The following SHISA9 variants were observed in gnomAD, a reference collection of about 807,000 sequenced individuals.
SHISA9 encodes protein shisa-9.
SHISA9 carries 13 observed loss-of-function variants against 38.0 expected under a neutral mutation model. The ratio of observed to expected loss-of-function variants is 0.34; its 90% CI spans 0.22 to 0.54. The LOEUF is 0.54. SHISA9 is among the 20% of genes least tolerant of loss of function. The probability of loss-of-function intolerance (pLI) is 0.91; values close to 1 mark genes in which losing one functional copy is unlikely to be tolerated. For missense variants in SHISA9, 538 were observed against 575.8 expected, an observed-to-expected ratio of 0.93 and a Z score of 0.67; for synonymous variants, 275 against 242.0, an observed-to-expected ratio of 1.14 and a Z score of -1.27.
chr16:13,024,779 T>C (rs1277444804), intron 2 of SHISA9, among the ~76,000 whole-genome samples: 2 of 152,174 alleles, frequency 1.3e-5, no homozygotes, highest in Non-Finnish European at 2.9e-5. Context: ...CAATGCCTGC[T>C]ACACAGTAGA....
chr16:13,478,134 A>G, the SHISA9 span, among the ~76,000 whole-genome samples: 5 of 152,154 alleles, frequency 3.3e-5, no homozygotes, highest in Non-Finnish European at 7.3e-5. Flanking sequence ...CTTTAACTGA[A>G]AAAGGAACCT....
intron 2 of SHISA9, among the ~76,000 whole-genome samples, chr16:13,189,324 T>C (rs555889756): frequency 1.3e-5 from 2 of 152,284 alleles, no homozygotes; most frequent in South Asian, 4.1e-4. Context: ...TAGAGGTGGC[T>C]CAATGCTGAA....
intron 2 of SHISA9, among the ~76,000 whole-genome samples, chr16:12,940,735 T>C (rs928967131): frequency 5.9e-5 from 9 of 152,210 alleles, no homozygotes; most frequent in African/African-American, 2.2e-4. Flanking sequence ...GTTTCCAACA[T>C]ATGCATTCAA....
At chr16:13,414,666 A>G in the SHISA9 span, among the ~76,000 whole-genome samples, 1 of 48,332 alleles carries the variant, frequency 2.1e-5, no homozygotes. Flanking sequence ...TTTTTTTCAG[A>G]CAGAGTGTTG....
At chr16:13,315,122 A>G in the SHISA9 span, among the ~76,000 whole-genome samples, 6 of 152,234 alleles carry the variant, frequency 3.9e-5, no homozygotes, top group East Asian at 9.7e-4. Context: ...CAAAGAGACC[A>G]TGGGCTTTGG....
At chr16:13,318,323 ATT>A in the SHISA9 span, among the ~76,000 whole-genome samples, 1 of 145,640 alleles carries the variant, frequency 6.9e-6, no homozygotes, top group Non-Finnish European at 1.5e-5. Flanking sequence ...AAATACCTCC[ATT>A]TTTTTTTTTC....
chr16:13,499,363 T>G, the SHISA9 span, among the ~76,000 whole-genome samples: 28 of 152,194 alleles, frequency 1.8e-4, no homozygotes, highest in Non-Finnish European at 2.9e-4. Context: ...AGTATGCAGA[T>G]TCTAAAAGCG....
chr16:12,904,583 G>A (rs1439275707), intron 1 of SHISA9, among the ~76,000 whole-genome samples: 2 of 152,200 alleles, frequency 1.3e-5, no homozygotes, highest in Non-Finnish European at 2.9e-5. Flanking sequence ...TGCAGGTATA[G>A]GGAGGGTCGG....
intron 2 of SHISA9, among the ~76,000 whole-genome samples, chr16:13,108,885 A>G (rs1411294907): frequency 6.6e-6 from 1 of 152,142 alleles, no homozygotes; most frequent in Non-Finnish European, 1.5e-5. Context: ...TGTTTCTCCT[A>G]AAGTGTAGTG....
intron 2 of SHISA9, among the ~76,000 whole-genome samples, chr16:12,962,486 T>C (rs2071924100): frequency 6.6e-6 from 1 of 152,210 alleles, no homozygotes; most frequent in Non-Finnish European, 1.5e-5. Context: ...CCCTGGGAGA[T>C]AATTAGAGTT....
intron 2 of SHISA9, chr16:13,082,660 T>C (rs931635008): frequency 5.9e-5 from 9 of 152,134 alleles, no homozygotes; most frequent in Admixed American, 3.3e-4. Context: ...ATGGCTAAGA[T>C]TGGTGTACAG....
chr16:13,038,405 G>A (rs1490052572), intron 2 of SHISA9, among the ~76,000 whole-genome samples: 1 of 152,140 alleles, frequency 6.6e-6, no homozygotes, highest in Non-Finnish European at 1.5e-5. Flanking sequence ...GCACAATCTA[G>A]CCTCTTCTCT....
chr16:13,064,796 A>G (rs1486569026), intron 2 of SHISA9, among the ~76,000 whole-genome samples: 2 of 151,698 alleles, frequency 1.3e-5, no homozygotes, highest in Middle Eastern at 3.2e-3. Context: ...AAAAAAAAAA[A>G]AAAAAGAAAA....
rs1243730028 is a variant in SHISA9 at position 13,224,005 on chromosome 16, C to A, written c.895+10705C>A. ...CCATTTGTTGGATAAACAGCCAAAG[C>A]TCTCTGAGCCTCAGTTTCCCTACTT... On this transcript the variant is annotated intron_variant, in intron 4 of 4. Transcript: ENST00000558583. 3.3e-5 allele frequency among the ~76,000 whole-genome samples: 5 copies of A among 152,322 alleles called. No homozygotes were observed. The East Asian group carries it at 9.6e-4, about 29-fold the overall frequency.
intron 2 of SHISA9, among the ~76,000 whole-genome samples, chr16:13,180,237 C>T (rs969402515): frequency 2.0e-5 from 3 of 152,244 alleles, no homozygotes; most frequent in African/African-American, 7.2e-5. Flanking sequence ...GCCTGTCTGG[C>T]TTCTAAGCTA....
chr16:13,148,520 C>T (rs2142002320), intron 2 of SHISA9, among the ~76,000 whole-genome samples: 1 of 152,270 alleles, frequency 6.6e-6, no homozygotes, highest in South Asian at 2.1e-4. Context: ...CTCATATCGA[C>T]ACCATCTCAC....
intron 3 of SHISA9, among the ~76,000 whole-genome samples, chr16:13,206,710 C>A (rs543379013): frequency 6.6e-6 from 1 of 152,206 alleles, no homozygotes; most frequent in African/African-American, 2.4e-5. Context: ...AAATCTGAAG[C>A]CTTGTAAGAC....
chr16:13,025,127 CCT>C (rs2072905173), intron 2 of SHISA9, among the ~76,000 whole-genome samples: 1 of 151,900 alleles, frequency 6.6e-6, no homozygotes, highest in Admixed American at 6.6e-5. Context: ...TCTAGAATAC[CCT>C]GTGTTTCATT....
At chr16:13,140,573 ATT>A (rs1474252380) in intron 2 of SHISA9, among the ~76,000 whole-genome samples, 6 of 152,174 alleles carry the variant, frequency 3.9e-5, no homozygotes, top group African/African-American at 1.4e-4. Flanking sequence ...TCTGCATTTA[ATT>A]TACAGCAAGT....
Sources: gnomAD v4.1 joint callset for allele counts (sites outside exome capture counted in the v4.1 genomes callset) on GRCh38, gnomAD v4.1.1 for gene constraint, MANE v1.5 for transcripts, NCBI Gene and HGNC (gene_info 2026-07-23, HGNC 2026-07-21) for gene names.